Variants in ZGPAT observed in about 807,000 individuals in gnomAD.
ZGPAT encodes zinc finger CCCH-type with G patch domain-containing protein.
In ZGPAT, 39 loss-of-function variants were observed where a neutral mutation model predicts 47.9. The ratio of observed to expected loss-of-function variants is 0.81; its 90% CI spans 0.63 to 1.06. ZGPAT has a LOEUF of 1.06. Among genes scored for constraint, ZGPAT ranks in the 50% least tolerant of loss-of-function variants. The pLI is 0.00. For missense variants in ZGPAT, 717 were observed against 681.4 expected (o/e 1.05, Z -0.58); for synonymous variants, 348 against 292.9 (o/e 1.19, Z -1.92).
intron 2 of ZGPAT, among the ~76,000 whole-genome samples, chr20:63,728,663 A>C (rs2091867643): frequency 6.6e-6 from 1 of 152,216 alleles, no homozygotes; most frequent in Non-Finnish European, 1.5e-5. Context: ...TGCTCACTCC[A>C]GCTGGGATCA....
intron 2 of ZGPAT, among the ~76,000 whole-genome samples, chr20:63,712,932 A>T (rs2091685318): frequency 6.6e-6 from 1 of 152,116 alleles, no homozygotes; most frequent in African/African-American, 2.4e-5. Flanking sequence ...AACAGTATTA[A>T]GTCTTCCAAT....
Position 63,708,970 on chromosome 20 carries a change from T to G in ZGPAT, c.390T>G (p.Ser130Arg). 1 of 1,612,932 alleles carries G rather than the reference T, an allele frequency of 6.2e-7. No homozygotes were observed. The highest frequency in any genetic ancestry group is 8.5e-7 in the Non-Finnish European group (1 of 1,179,846). ...EEEGEDEEEL[S>R]GTKVSAPYYS... ...AGGGAGAGGACGAGGAAGAGCTGAG[T>G]GGGACAAAGGTGAGCGCGCCCTACT... The change falls in exon 2 of 7, where the codon AGT becomes AGG. Residue 130 changes from serine (S) to arginine (R), a missense_variant. By Grantham distance (110) the Ser-to-Arg change is moderately radical. Coordinates refer to ENST00000355969, the MANE Select transcript of ZGPAT (RefSeq NM_181485.3).
chr20:63,730,970 C>CTCTGTGTG (rs1237935541), intron 2 of ZGPAT, among the ~76,000 whole-genome samples: 7 of 115,154 alleles, frequency 6.1e-5, no homozygotes, highest in Non-Finnish European at 8.6e-5. Context: ...CTCTCTCTCT[C>CTCTGTGTG]TGTGTGTGTG....
intron 2 of ZGPAT, among the ~76,000 whole-genome samples, chr20:63,719,579 C>T (rs1043518302): frequency 1.3e-5 from 2 of 152,010 alleles, no homozygotes; most frequent in Admixed American, 6.6e-5. Context: ...ATTTTCACTA[C>T]AGTTACTGTA....
rs933246274 is a variant in ZGPAT at position 63,708,070 on chromosome 20, T to A, written c.-77T>A. On this transcript the variant is annotated 5_prime_UTR_variant, in exon 1 of 7. Coordinates refer to ENST00000355969, the MANE Select transcript of ZGPAT (RefSeq NM_181485.3). ...GGAAGCGGCGGCGCTCGGGAGGAAG[T>A]GCCGATCGGCTGCTGGGGCGAAAAG... 1 of 151,980 alleles carries A rather than the reference T, an allele frequency of 6.6e-6. No homozygotes were observed. The highest frequency in any genetic ancestry group is 1.5e-5 in the Non-Finnish European group (1 of 67,968). 9.4% of individuals were successfully genotyped at this position (151,980 alleles called of 1,614,324 possible).
In ZGPAT at chr20:63,725,015, G is replaced by A. The variant is rs543429625; in HGVS notation, c.585-8204G>A. Among the ~76,000 whole-genome samples the A allele has an allele frequency of 3.8e-5, 5 of 131,250 alleles. No individual in the cohort carries two copies. The South Asian group carries it at 9.6e-4, about 25-fold the overall frequency. The allele number at this position is 131,250 out of a possible 152,430, so 86.1% of individuals were successfully genotyped here. On this transcript the variant is annotated intron_variant, in intron 2 of 6. Coordinates refer to ENST00000355969, the MANE Select transcript of ZGPAT (RefSeq NM_181485.3). ...TTTTTTTTTTTTGAGATGGGGTCTC[G>A]CTCTTGTTTCCCAGGCTGGAGTGCA...
At chr20:63,725,990 C>T (rs748987363) in intron 2 of ZGPAT, among the ~76,000 whole-genome samples, 2 of 151,534 alleles carry the variant, frequency 1.3e-5, no homozygotes, top group African/African-American at 4.9e-5. Context: ...AGTGTGCCAC[C>T]ACCATGCCCA....
chr20:63,733,944 A>G, intron 4 of ZGPAT: 2 of 632,748 alleles, frequency 3.2e-6, no homozygotes, highest in Non-Finnish European at 5.3e-6. Context: ...TGCAACAGCT[A>G]CAGTCTCATT....
In ZGPAT at chr20:63,708,560, C is replaced by A; in HGVS notation, c.-21C>A. 1.9e-6 allele frequency: 3 copies of A among 1,565,134 alleles called. No individual in the cohort carries two copies. The highest frequency in any genetic ancestry group is 2.3e-5 in the South Asian group (2 of 85,272). ...TGGCTTCTCTTCTTGCAGCCCTGGT[C>A]CAGCGCCTCCCTCTCTCAGCATGGA... On this transcript the variant is annotated 5_prime_UTR_variant, in exon 2 of 7. Coordinates refer to ENST00000355969, the MANE Select transcript of ZGPAT (RefSeq NM_181485.3).
chr20:63,722,012 C>T (rs1295835658), intron 2 of ZGPAT, among the ~76,000 whole-genome samples: 3 of 42,764 alleles, frequency 7.0e-5, no homozygotes, highest in Non-Finnish European at 1.3e-4. Context: ...GACTCCATCT[C>T]GGGGAAAAAA....
chr20:63,712,864 C>T (rs923620817), intron 2 of ZGPAT, among the ~76,000 whole-genome samples: 1 of 151,990 alleles, frequency 6.6e-6, no homozygotes, highest in Non-Finnish European at 1.5e-5. Context: ...CCACTGCACT[C>T]CAGCCTGGGT....
Position 63,718,805 on chromosome 20 carries a change from G to A in ZGPAT, c.584+9641G>A, listed in dbSNP as rs188621623. ...ATCTTGGCTGGGCACGGTGGCTCAC[G>A]CCTGTAATCCCAGCACTTTGGGAGG... On this transcript the variant is annotated intron_variant, in intron 2 of 6. Transcript: ENST00000355969. Among the ~76,000 whole-genome samples, 17 of 151,684 alleles carry A rather than the reference G, an allele frequency of 1.1e-4. No individual in the cohort carries two copies. The East Asian group carries it at 1.8e-3, about 16-fold the overall frequency.
chr20:63,717,203 G>C (rs2091737990), intron 2 of ZGPAT, among the ~76,000 whole-genome samples: 2 of 151,294 alleles, frequency 1.3e-5, no homozygotes, highest in Admixed American at 1.3e-4. Context: ...TTCCCATTCT[G>C]TTTCATTTAT....
chr20:63,718,313 T>A (rs1342339956), intron 2 of ZGPAT, among the ~76,000 whole-genome samples: 1 of 151,154 alleles, frequency 6.6e-6, no homozygotes, highest in Admixed American at 6.6e-5. Flanking sequence ...ATTTGTAAAT[T>A]TTCCAAAAAA....
chr20:63,735,262 C>T lies in ZGPAT; in HGVS notation c.1095C>T (p.Thr365=). Residue 365 remains threonine, a synonymous_variant, in exon 6 of 7, where the codon ACC becomes ACT. Coordinates refer to ENST00000355969, the MANE Select transcript of ZGPAT (RefSeq NM_181485.3). ...GTGTGGAGACCCTGCAGAAGCAGACCAGGGTTGGCAAGGCTGGCACCAACA... is the reference window on the plus strand; with the variant it reads ...GTGTGGAGACCCTGCAGAAGCAGACTAGGGTTGGCAAGGCTGGCACCAACA... ...DQCVETLQKQ[T]RVGKAGTNKP... is the part of the protein sequence containing the mutation. 3 of 1,606,696 alleles carry T rather than the reference C, an allele frequency of 1.9e-6. No homozygotes were observed. The highest frequency in any genetic ancestry group is 2.5e-6 in the Non-Finnish European group (3 of 1,176,666).
chr20:63,725,870 T>C (rs1361151306), intron 2 of ZGPAT, among the ~76,000 whole-genome samples: 1 of 152,042 alleles, frequency 6.6e-6, no homozygotes, highest in South Asian at 2.1e-4. Context: ...TTTGCTTTTG[T>C]TGCTGAGGCT....
In ZGPAT at chr20:63,733,048, ATG is replaced by A. The variant is rs1233674597; in HGVS notation, c.585-166_585-165del. Among the ~76,000 whole-genome samples, 5 of 150,406 alleles carry A rather than the reference ATG, an allele frequency of 3.3e-5. No homozygotes were observed. In the East Asian group the frequency reaches 9.8e-4, roughly 30 times the overall value. On this transcript the variant is annotated intron_variant, in intron 2 of 6. Coordinates refer to ENST00000355969, the MANE Select transcript of ZGPAT (RefSeq NM_181485.3). ...CGTGAGTGTGTGCATGTGTGTGTGT[ATG>A]TGTGCGTGTGTATGTGTGTGCGTGA...
chr20:63,732,720 GTGTATA>G (rs1319241330), intron 2 of ZGPAT, among the ~76,000 whole-genome samples: 7 of 151,598 alleles, frequency 4.6e-5, no homozygotes, highest in Non-Finnish European at 1.5e-5. Flanking sequence ...ACTTGTGTAT[GTGTATA>G]TGTGTATGTC....
intron 2 of ZGPAT, among the ~76,000 whole-genome samples, chr20:63,724,896 C>T (rs1333341692): frequency 2.0e-5 from 3 of 151,656 alleles, no homozygotes; most frequent in Admixed American, 6.6e-5. Flanking sequence ...AGGCTGGTCT[C>T]GAATTCATGA....
Sources: gnomAD v4.1 joint callset for allele counts (sites outside exome capture counted in the v4.1 genomes callset) on GRCh38, gnomAD v4.1.1 for gene constraint, MANE v1.5 for transcripts, NCBI Gene and HGNC (gene_info 2026-07-23, HGNC 2026-07-21) for gene names.